GLIS1: variants seen among roughly 807,000 people sequenced by gnomAD.
GLIS1 encodes GLIS family zinc finger 1, also known as zinc finger protein GLIS1.
A neutral mutation model predicts 63.8 loss-of-function variants in GLIS1; 24 were observed. The observed-to-expected ratio is 0.38, with a 90% CI of 0.27 to 0.53. GLIS1 has a LOEUF of 0.53. GLIS1 is among the 20% of genes least tolerant of loss of function. GLIS1 has a pLI of 0.85. For missense variants in GLIS1, 1,036 were observed against 1,074.1 expected (o/e 0.96, Z 0.50); for synonymous variants, 450 against 482.5 (o/e 0.93, Z 0.88).
chr1:53,519,723 G>A (rs1449185624), intron 7 of GLIS1, among the ~76,000 whole-genome samples: 1 of 152,150 alleles, frequency 6.6e-6, no homozygotes, highest in Non-Finnish European at 1.5e-5. Context: ...CTGGTTGGAG[G>A]GGCCCGCAGA....
At chr1:53,694,514 T>TG (rs1384288423) in intron 2 of GLIS1, among the ~76,000 whole-genome samples, 16 of 152,296 alleles carry the variant, frequency 1.1e-4, no homozygotes, top group Non-Finnish European at 1.5e-5. Context: ...GGTACCAAGC[T>TG]GGGCCCAGCC....
At chr1:53,616,531 A>G (rs1000497870) in intron 2 of GLIS1, among the ~76,000 whole-genome samples, 2 of 152,156 alleles carry the variant, frequency 1.3e-5, no homozygotes, top group African/African-American at 4.8e-5. Flanking sequence ...AAAAATATAC[A>G]AAGTGTAAGA....
At chr1:53,642,352 AGGCT>A (rs1461538930) in intron 2 of GLIS1, among the ~76,000 whole-genome samples, 1 of 152,138 alleles carries the variant, frequency 6.6e-6, no homozygotes, top group African/African-American at 2.4e-5. Context: ...CAGGCAGGAG[AGGCT>A]GGGTTCCCTG....
intron 2 of GLIS1, among the ~76,000 whole-genome samples, chr1:53,690,657 A>G (rs1370332115): frequency 6.6e-6 from 1 of 152,190 alleles, no homozygotes; most frequent in African/African-American, 2.4e-5. Flanking sequence ...CAGGGCAGCG[A>G]TGATTAACCC....
At chr1:53,586,688 A>G (rs552464527) in intron 4 of GLIS1, among the ~76,000 whole-genome samples, 38 of 152,228 alleles carry the variant, frequency 2.5e-4, no homozygotes, top group Non-Finnish European at 5.1e-4. Context: ...TGGCAAAGCT[A>G]GGTTTCAAAT....
intron 4 of GLIS1, among the ~76,000 whole-genome samples, chr1:53,590,566 G>A (rs1297691031): frequency 6.6e-6 from 1 of 152,128 alleles, no homozygotes; most frequent in Non-Finnish European, 1.5e-5. Flanking sequence ...CGGCCGTCTG[G>A]GAGAACCAAC....
intron 2 of GLIS1, among the ~76,000 whole-genome samples, chr1:53,627,563 G>A: frequency 6.6e-6 from 1 of 152,330 alleles, no homozygotes; most frequent in South Asian, 2.1e-4. Context: ...GAAGACGAAT[G>A]AAATTTAAAA....
At chr1:53,545,764 G>A (rs779264526) in intron 4 of GLIS1, among the ~76,000 whole-genome samples, 1 of 152,154 alleles carries the variant, frequency 6.6e-6, no homozygotes, top group African/African-American at 2.4e-5. Flanking sequence ...AGTGGGCAGC[G>A]TCATACTTTC....
rs1646048970 is a variant in GLIS1 at position 53,663,271 on chromosome 1, C to T, written c.260-62993G>A. ...TTGTTCTTTTCTAGGTTTCTAAATT[C>T]CGGTACAGGGCTGGGCCCACAGCAG... On this transcript the variant is annotated intron_variant, in intron 2 of 10. Transcript: ENST00000628545. 1.3e-5 allele frequency among the ~76,000 whole-genome samples: 2 copies of T among 152,220 alleles called. 1 individual carries two copies. The highest frequency in any genetic ancestry group is 4.1e-4 in the South Asian group (2 of 4,830).
intron 2 of GLIS1, among the ~76,000 whole-genome samples, chr1:53,633,028 G>A (rs1055719423): frequency 2.0e-5 from 3 of 147,212 alleles, no homozygotes; most frequent in African/African-American, 5.0e-5. Context: ...GTGACCGAGG[G>A]GCATGTGTAT....
intron 4 of GLIS1, among the ~76,000 whole-genome samples, chr1:53,588,770 A>T (rs1219010867): frequency 6.6e-6 from 1 of 152,248 alleles, no homozygotes; most frequent in African/African-American, 2.4e-5. Flanking sequence ...GAGGTTGGGC[A>T]AAAGTAGATG....
chr1:53,548,387 G>A (rs779819615), intron 4 of GLIS1, among the ~76,000 whole-genome samples: 1 of 152,214 alleles, frequency 6.6e-6, no homozygotes, highest in Non-Finnish European at 1.5e-5. Flanking sequence ...ATGGACAGGG[G>A]CTCTCGGGGC....
chr1:53,613,252 G>T (rs1194901461), intron 2 of GLIS1, among the ~76,000 whole-genome samples: 1 of 152,118 alleles, frequency 6.6e-6, no homozygotes, highest in Non-Finnish European at 1.5e-5. Context: ...TCCATTCTAT[G>T]GTTGTACATA....
intron 2 of GLIS1, among the ~76,000 whole-genome samples, chr1:53,621,814 GA>G (rs1645545720): frequency 6.6e-6 from 1 of 151,684 alleles, no homozygotes; most frequent in Non-Finnish European, 1.5e-5. Flanking sequence ...GTTTCATACA[GA>G]AAAATTTTTT....
intron 8 of GLIS1, among the ~76,000 whole-genome samples, chr1:53,510,378 G>T (rs531751532): frequency 6.6e-6 from 1 of 152,312 alleles, no homozygotes; most frequent in South Asian, 2.1e-4. Context: ...TGGACGGGCT[G>T]CTGGCTCACC....
chr1:53,642,027 A>T (rs1301744568), intron 2 of GLIS1, among the ~76,000 whole-genome samples: 1 of 152,184 alleles, frequency 6.6e-6, no homozygotes, highest in African/African-American at 2.4e-5. Context: ...AGGCACTGCC[A>T]AGTGTGGGGC....
intron 2 of GLIS1, among the ~76,000 whole-genome samples, chr1:53,730,160 C>T (rs958316069): frequency 2.0e-5 from 3 of 152,122 alleles, no homozygotes; most frequent in Non-Finnish European, 2.9e-5. Flanking sequence ...TTTAAACCGT[C>T]GTCTTGGGAT....
At chr1:53,727,550 A>C (rs1203511004) in intron 2 of GLIS1, among the ~76,000 whole-genome samples, 1 of 152,250 alleles carries the variant, frequency 6.6e-6, no homozygotes, top group Non-Finnish European at 1.5e-5. Context: ...TTTGTCTTAA[A>C]GGGAGGATAA....
chr1:53,600,110 TGGG>T lies in GLIS1; in HGVS notation c.425_427del (p.Pro142del). On this transcript the variant is annotated inframe_deletion, in exon 3 of 11. Coordinates refer to ENST00000628545, the MANE Select transcript of GLIS1 (RefSeq NM_001367484.1). ...AGCTGCCCACACCTACCTGTCAGGG[TGGG>T]GGAAATGCAGCAGCCTCTCACAAGC... The T allele has an allele frequency of 8.1e-7, 1 of 1,229,654 alleles. No homozygotes were observed. The highest frequency in any genetic ancestry group is 1.0e-6 in the Non-Finnish European group (1 of 985,906). 76.2% of individuals were successfully genotyped at this position (1,229,654 alleles called of 1,614,324 possible). A position where few individuals can be genotyped will look rare whatever the true frequency, so the allele number is the denominator to read the frequency against.
Sources: allele counts gnomAD v4.1 joint callset (sites outside exome capture counted in the v4.1 genomes callset), GRCh38; gene constraint gnomAD v4.1.1; transcripts MANE v1.5; gene names NCBI Gene and HGNC (gene_info 2026-07-23, HGNC 2026-07-21).